RAPGEF1: variants seen among roughly 807,000 people sequenced by gnomAD.
RAPGEF1 encodes Rap guanine nucleotide exchange factor 1.
A neutral mutation model predicts 143.3 loss-of-function variants in RAPGEF1; 33 were observed. The observed-to-expected ratio is 0.23, with a 90% CI of 0.17 to 0.31. The LOEUF (loss-of-function observed/expected upper bound fraction) is 0.31, where lower values mean the gene tolerates loss of function less well. Among genes scored for constraint, RAPGEF1 ranks in the 10% least tolerant of loss-of-function variants. RAPGEF1 has a pLI of 1.00. For missense variants in RAPGEF1, 1,199 were observed against 1,645.4 expected (o/e 0.73, Z 4.69); for synonymous variants, 629 against 676.5 (o/e 0.93, Z 1.09).
chr9:131,661,596 C>G (rs986270406), intron 1 of RAPGEF1, among the ~76,000 whole-genome samples: 1 of 152,012 alleles, frequency 6.6e-6, no homozygotes, highest in Non-Finnish European at 1.5e-5. Flanking sequence ...TAGTATATTC[C>G]AACAAAAAGG....
At chr9:131,580,929 G>A (rs1951768731) in intron 25 of RAPGEF1, among the ~76,000 whole-genome samples, 1 of 152,108 alleles carries the variant, frequency 6.6e-6, no homozygotes, top group South Asian at 2.1e-4. Flanking sequence ...AGGATCACCT[G>A]AGGTCAGGAG....
rs139930214 is a variant in RAPGEF1 at position 131,610,501 on chromosome 9, A to C, written c.2062-5313T>G. ...TGCCAGAAATTGGTCATTACTGCAT[A>C]ATCTTGGCTCAAGTAAGGCTTATGA... On this transcript the variant is annotated intron_variant, in intron 12 of 26. Coordinates refer to ENST00000683357, the MANE Select transcript of RAPGEF1 (RefSeq NM_001377935.1). Among the ~76,000 whole-genome samples the C allele has an allele frequency of 5.1e-3, 770 of 152,342 alleles. 5 individuals are homozygous for C. Among genetic ancestry groups the C allele is most frequent in the African/African-American group, 6.8e-3 (283 of 41,582 alleles).
chr9:131,621,739 G>A lies in RAPGEF1; in HGVS notation c.1905+57C>T. 1 of 1,512,694 alleles carries A rather than the reference G, an allele frequency of 6.6e-7. No homozygotes were observed. Among genetic ancestry groups the A allele is most frequent in the Non-Finnish European group, 8.9e-7 (1 of 1,118,442 alleles). The allele number at this position is 1,512,694 out of a possible 1,614,324, so 93.7% of individuals were successfully genotyped here. ...CCTGCCCCCAAGGAGGGTCATTCTG[G>A]TTCCTAGAGACCTGCTAGGATCGGA... On this transcript the variant is annotated intron_variant, in intron 11 of 26. Coordinates refer to ENST00000683357, the MANE Select transcript of RAPGEF1 (RefSeq NM_001377935.1). This position sits in a 1 kb window ranked among gnomAD's most constrained non-coding sequence, Gnocchi z 4.5.
At chr9:131,602,963 G>A (rs1418802442) in intron 14 of RAPGEF1, among the ~76,000 whole-genome samples, 4 of 152,232 alleles carry the variant, frequency 2.6e-5, no homozygotes, top group African/African-American at 9.6e-5. Context: ...GCCATGCGAA[G>A]CTGGCCTCTA....
intron 18 of RAPGEF1, among the ~76,000 whole-genome samples, chr9:131,590,996 T>C (rs1954134051): frequency 6.6e-6 from 1 of 152,180 alleles, no homozygotes; most frequent in Non-Finnish European, 1.5e-5. Flanking sequence ...CACACACACA[T>C]ATTAAAAAAT....
At chr9:131,645,310 C>T (rs1969271717) in intron 3 of RAPGEF1, among the ~76,000 whole-genome samples, 1 of 152,168 alleles carries the variant, frequency 6.6e-6, no homozygotes, top group South Asian at 2.1e-4. Context: ...GTGTTAGAGA[C>T]CAGCAATGAT....
At chr9:131,618,205 T>C (rs1408152674) in intron 12 of RAPGEF1, among the ~76,000 whole-genome samples, 1 of 152,212 alleles carries the variant, frequency 6.6e-6, no homozygotes, top group Non-Finnish European at 1.5e-5. Flanking sequence ...CACGCTTCCA[T>C]TTGTTATTTT....
intron 22 of RAPGEF1, among the ~76,000 whole-genome samples, chr9:131,585,523 T>C (rs1323489096): frequency 6.6e-6 from 1 of 152,234 alleles, no homozygotes; most frequent in Non-Finnish European, 1.5e-5. Flanking sequence ...CTGAGCTTCT[T>C]GCACCCAGCC....
At chr9:131,619,555 G>A (rs993157474) in intron 11 of RAPGEF1, among the ~76,000 whole-genome samples, 13 of 152,184 alleles carry the variant, frequency 8.5e-5, no homozygotes, top group African/African-American at 2.4e-4. Flanking sequence ...TCATTCACAC[G>A]TCTTCAGAAC....
At chr9:131,718,460 G>C (rs896200494) in intron 1 of RAPGEF1, among the ~76,000 whole-genome samples, 1 of 152,314 alleles carries the variant, frequency 6.6e-6, no homozygotes, top group Middle Eastern at 3.4e-3. Context: ...CCAAGAAGCC[G>C]GTTAGGAAGG....
chr9:131,668,332 T>A (rs982028016), intron 1 of RAPGEF1, among the ~76,000 whole-genome samples: 14 of 152,224 alleles, frequency 9.2e-5, no homozygotes, highest in Non-Finnish European at 1.6e-4. Flanking sequence ...CTCTCAGAAA[T>A]TTTTAAATTA....
chr9:131,601,526 T>C (rs1956278671), intron 15 of RAPGEF1, among the ~76,000 whole-genome samples: 1 of 151,884 alleles, frequency 6.6e-6, no homozygotes, highest in South Asian at 2.1e-4. Flanking sequence ...CAGGGTGGGG[T>C]TATTAGTGAT....
At chr9:131,699,766 C>T (rs1348034135) in intron 1 of RAPGEF1, among the ~76,000 whole-genome samples, 3 of 152,114 alleles carry the variant, frequency 2.0e-5, no homozygotes, top group African/African-American at 7.2e-5. Flanking sequence ...GCTGGTGCTC[C>T]CTCATCTCCT....
chr9:131,639,690 G>A (rs552590603), intron 4 of RAPGEF1, among the ~76,000 whole-genome samples: 8 of 151,958 alleles, frequency 5.3e-5, no homozygotes, highest in Non-Finnish European at 1.2e-4. Context: ...GAAAATTTAT[G>A]TGCTGCAACC....
At chr9:131,733,196 C>T (rs1421487815) in intron 1 of RAPGEF1, among the ~76,000 whole-genome samples, 1 of 151,914 alleles carries the variant, frequency 6.6e-6, no homozygotes, top group Non-Finnish European at 1.5e-5. Context: ...ACCTAATGGC[C>T]TTCTTATGTA....
chr9:131,693,852 T>C (rs1255586236), intron 1 of RAPGEF1, among the ~76,000 whole-genome samples: 2 of 152,054 alleles, frequency 1.3e-5, no homozygotes, highest in Non-Finnish European at 2.9e-5. Flanking sequence ...AGCTTAAGAA[T>C]TCCATTCTTG....
Position 131,583,301 on chromosome 9 carries a change from AC to A in RAPGEF1, c.3415-600del, listed in dbSNP as rs1029497214. ...CTCCCTGAAGTGCTGCCTCCTGAGG[AC>A]CCCCCATGCAGAGGCCGTGTGAATT... On this transcript the variant is annotated intron_variant, in intron 24 of 26. Transcript: ENST00000683357. The surrounding 1 kb of genome is among the most constrained non-coding windows in gnomAD (Gnocchi z 4.7). 2.0e-5 allele frequency among the ~76,000 whole-genome samples: 3 copies of A among 151,728 alleles called. No individual in the cohort carries two copies. The highest frequency in any genetic ancestry group is 4.4e-5 in the Non-Finnish European group (3 of 67,880).
chr9:131,644,054 C>A (rs1330405128), intron 3 of RAPGEF1, among the ~76,000 whole-genome samples: 1 of 152,188 alleles, frequency 6.6e-6, no homozygotes, highest in African/African-American at 2.4e-5. Context: ...GAGCAGATGA[C>A]CGTGATTCTC....
chr9:131,605,570 T>G (rs1380787482), intron 12 of RAPGEF1, among the ~76,000 whole-genome samples: 1 of 152,216 alleles, frequency 6.6e-6, no homozygotes, highest in Non-Finnish European at 1.5e-5. Context: ...TCATTTTGAA[T>G]TTCTGGATGA....
Sources: gnomAD v4.1 joint callset for allele counts (sites outside exome capture counted in the v4.1 genomes callset) on GRCh38, gnomAD v4.1.1 for gene constraint, Gnocchi (gnomAD v3.1) non-coding constraint, MANE v1.5 for transcripts, NCBI Gene and HGNC (gene_info 2026-07-23, HGNC 2026-07-21) for gene names.